The following CEACAM3 variants were observed in gnomAD, a reference collection of about 807,000 sequenced individuals.
CEACAM3 encodes CEA cell adhesion molecule 3.
In CEACAM3, 32 loss-of-function variants were observed where a neutral mutation model predicts 30.1. The ratio of observed to expected loss-of-function variants is 1.06; its 90% CI spans 0.80 to 1.43. CEACAM3 has a LOEUF of 1.43. Ranked by LOEUF, CEACAM3 falls within the 40% of genes most tolerant of loss-of-function variation. The pLI is 0.00. For synonymous variants in CEACAM3, 134 were observed against 127.2 expected, an observed-to-expected ratio of 1.05 and a Z score of -0.36; for missense variants, 290 against 316.3, an observed-to-expected ratio of 0.92 and a Z score of 0.63.
rs1467126071 is a variant in CEACAM3 at position 41,810,503 on chromosome 19, G to A, written c.627+149G>A. 1.8e-5 allele frequency: 18 copies of A among 1,000,596 alleles called. No individual in the cohort carries two copies. The Middle Eastern group carries it at 6.2e-4, about 35-fold the overall frequency. The allele number at this position is 1,000,596 out of a possible 1,614,324, so 62.0% of individuals were successfully genotyped here. A position where few individuals can be genotyped will look rare whatever the true frequency, so the allele number is the denominator to read the frequency against. On this transcript the variant is annotated intron_variant, in intron 5 of 6. Transcript: ENST00000357396. ...CTAGCCCTGCCCTGGCCAGGAGCTG[G>A]GCCTCCCTACAGGGTCAGGACCACC...
At chr19:41,809,931 T>C in intron 3 of CEACAM3, 34 bp from the exon 4 acceptor site, 1 of 1,612,370 alleles carries the variant, frequency 6.2e-7, no homozygotes, top group Non-Finnish European at 8.5e-7. Context: ...GCTTTTAACC[T>C]GGCACCCTCC....
chr19:41,802,009 A>G (rs7251154), intron 2 of CEACAM3, among the ~76,000 whole-genome samples: 85,877 of 152,014 alleles, frequency 0.56, 25,280 homozygotes, highest in Middle Eastern at 0.72. Flanking sequence ...AATTTTTCCC[A>G]TGGTTAGCCT....
intron 3 of CEACAM3, 94 bp from the exon 4 acceptor site, chr19:41,809,871 C>T (rs1555827325): frequency 2.3e-6 from 3 of 1,282,672 alleles, no homozygotes; most frequent in Non-Finnish European, 1.1e-6. Flanking sequence ...CATGCCCATC[C>T]TTGAAAATGG....
At chr19:41,803,172 A>G (rs782169082) in intron 2 of CEACAM3, among the ~76,000 whole-genome samples, 29 of 152,374 alleles carry the variant, frequency 1.9e-4, no homozygotes, top group Non-Finnish European at 4.0e-4. Context: ...AACTCTGGTT[A>G]ATACAGTAAA....
At chr19:41,807,457 A>G (rs1568742739) in intron 2 of CEACAM3, 1 of 1,316,942 alleles carries the variant, frequency 7.6e-7, no homozygotes. Context: ...CAGGCCTCTC[A>G]GTCCCTCTCA....
At chr19:41,802,643 CT>C (rs2073160985) in intron 2 of CEACAM3, among the ~76,000 whole-genome samples, 1 of 152,206 alleles carries the variant, frequency 6.6e-6, no homozygotes, top group Non-Finnish European at 1.5e-5. Context: ...ACTCCTAGAG[CT>C]ACCAGATTCT....
chr19:41,811,045 G>T, intron 6 of CEACAM3, 127 bp from the exon 7 acceptor site: 1 of 1,269,754 alleles, frequency 7.9e-7, no homozygotes, highest in Non-Finnish European at 1.1e-6. Context: ...GGGCTTGGGA[G>T]CAGGAACCCC....
At chr19:41,808,652 T>G (rs1555827125) in intron 2 of CEACAM3, among the ~76,000 whole-genome samples, 161 bp from the exon 3 acceptor site, 4 of 152,154 alleles carry the variant, frequency 2.6e-5, no homozygotes, top group African/African-American at 9.7e-5. Flanking sequence ...GGTGCCACCA[T>G]GGAAAGCAAG....
In CEACAM3 at chr19:41,811,301, G is replaced by A. The variant is rs1164960425; in HGVS notation, c.*64G>A. Reference sequence around the variant, plus strand: ...CCCCAAGGCCCCCAGCCCTGGGGATGGGGAAGGACATGAAGCCTGAGCCAG... The same window carrying A: ...CCCCAAGGCCCCCAGCCCTGGGGATAGGGAAGGACATGAAGCCTGAGCCAG... On this transcript the variant is annotated 3_prime_UTR_variant, in exon 7 of 7. Coordinates refer to ENST00000357396, the MANE Select transcript of CEACAM3 (RefSeq NM_001815.5). The A allele has an allele frequency of 2.1e-5, 29 of 1,404,640 alleles. No homozygotes were observed. Among genetic ancestry groups the A allele is most frequent in the Non-Finnish European group, 2.5e-5 (25 of 992,838 alleles). 87.0% of individuals were successfully genotyped at this position (1,404,640 alleles called of 1,614,324 possible).
intron 4 of CEACAM3, 71 bp from the exon 5 acceptor site, chr19:41,810,252 C>T: frequency 1.3e-6 from 2 of 1,547,710 alleles, no homozygotes; most frequent in Non-Finnish European, 1.8e-6. Flanking sequence ...GCTGAGGACC[C>T]CCTACGCCTT....
intron 2 of CEACAM3, 119 bp from the exon 3 acceptor site, chr19:41,808,694 A>G (rs782172634): frequency 6.4e-5 from 49 of 763,758 alleles, no homozygotes; most frequent in Non-Finnish European, 1.0e-4. Flanking sequence ...ACAAGAGACT[A>G]CACTCAGGCC....
intron 2 of CEACAM3, among the ~76,000 whole-genome samples, chr19:41,802,889 T>C (rs528553849): frequency 5.9e-5 from 9 of 152,056 alleles, no homozygotes; most frequent in African/African-American, 2.2e-4. Context: ...GGGGCAAAAA[T>C]ACAGAGAGTC....
In CEACAM3 at chr19:41,796,642, T is replaced by A; in HGVS notation, c.-36T>A. 6.2e-7 allele frequency: 1 copy of A among 1,613,036 alleles called. No individual in the cohort carries two copies. Among genetic ancestry groups the A allele is most frequent in the Non-Finnish European group, 8.5e-7 (1 of 1,179,036 alleles). ...ACAGCATTCCTGGAGCCCAGGCTCT[T>A]TTCCACAGAGGAGGAAAGAGCAGGC... On this transcript the variant is annotated 5_prime_UTR_variant, in exon 1 of 7. Transcript: ENST00000357396.
At chr19:41,798,936 G>A (rs1039710110) in intron 2 of CEACAM3, among the ~76,000 whole-genome samples, 14 of 152,160 alleles carry the variant, frequency 9.2e-5, no homozygotes, top group Admixed American at 4.6e-4. Context: ...AGAGTCACAC[G>A]AGGTCTCTCT....
intron 3 of CEACAM3, 199 bp downstream of exon 3, chr19:41,809,129 A>G: frequency 2.7e-6 from 1 of 371,004 alleles, no homozygotes; most frequent in Non-Finnish European, 5.0e-6. Flanking sequence ...TCCTCTGTGA[A>G]TTTGGCCCAA....
chr19:41,806,941 C>G (rs1482403051), intron 2 of CEACAM3, among the ~76,000 whole-genome samples: 1 of 152,190 alleles, frequency 6.6e-6, no homozygotes, highest in Non-Finnish European at 1.5e-5. Flanking sequence ...CCCGCCTCGG[C>G]CTCCCAAAGT....
intron 2 of CEACAM3, among the ~76,000 whole-genome samples, chr19:41,798,856 T>C (rs1462395206): frequency 6.6e-6 from 1 of 151,796 alleles, no homozygotes; most frequent in Non-Finnish European, 1.5e-5. Flanking sequence ...ATCCTACTTA[T>C]TGAAAAAAAA....
At chr19:41,802,622 T>C (rs1476954595) in intron 2 of CEACAM3, among the ~76,000 whole-genome samples, 3 of 152,204 alleles carry the variant, frequency 2.0e-5, no homozygotes, top group Non-Finnish European at 2.9e-5. Flanking sequence ...GGGACTCTTT[T>C]GTGAGTCTTA....
intron 2 of CEACAM3, among the ~76,000 whole-genome samples, chr19:41,804,309 T>A (rs1469771917): frequency 2.6e-5 from 4 of 152,162 alleles, no homozygotes; most frequent in Non-Finnish European, 4.4e-5. Flanking sequence ...GCCATTATCA[T>A]AAGATGGGGT....
Sources: gnomAD v4.1 joint callset for allele counts (sites outside exome capture counted in the v4.1 genomes callset) on GRCh38, gnomAD v4.1.1 for gene constraint, MANE v1.5 for transcripts, NCBI Gene and HGNC (gene_info 2026-07-23, HGNC 2026-07-21) for gene names.